The following LGALS3 variants were observed in gnomAD, a reference collection of about 807,000 sequenced individuals.
LGALS3 encodes galectin 3.
In LGALS3, 18 loss-of-function variants were observed where a neutral mutation model predicts 20.7. That is an observed-to-expected ratio of 0.87 (90% CI 0.60 to 1.29). The LOEUF (loss-of-function observed/expected upper bound fraction) is 1.29, where lower values mean the gene tolerates loss of function less well. Among genes scored for constraint, LGALS3 ranks in the 50% most tolerant of loss-of-function variants. The pLI is 0.00. For missense variants in LGALS3, 315 were observed against 314.7 expected (o/e 1.00, Z -0.01); for synonymous variants, 112 against 119.6 (o/e 0.94, Z 0.42).
chr14:55,134,152 C>T (rs994874064), intron 1 of LGALS3, among the ~76,000 whole-genome samples: 1 of 152,160 alleles, frequency 6.6e-6, no homozygotes, highest in African/African-American at 2.4e-5. Flanking sequence ...GCAATATTCC[C>T]GCCTCAGCCT....
intron 5 of LGALS3, chr14:55,143,309 A>G (rs1207169714): frequency 8.5e-6 from 2 of 234,212 alleles, no homozygotes; most frequent in Non-Finnish European, 1.8e-5. Context: ...AGGGTTGACT[A>G]TAGAGTGGTG....
chr14:55,137,303 T>G, intron 1 of LGALS3, 67 bp from the exon 2 acceptor site: 4 of 1,412,154 alleles, frequency 2.8e-6, no homozygotes, highest in Non-Finnish European at 4.0e-6. Flanking sequence ...GAACTAGTGG[T>G]GAGGTTCAGT....
intron 4 of LGALS3, among the ~76,000 whole-genome samples, chr14:55,142,201 G>A (rs1375127176): frequency 6.6e-6 from 1 of 152,190 alleles, no homozygotes; most frequent in Admixed American, 6.5e-5. Context: ...CAAACTGGAA[G>A]AGCAGGAAAG....
chr14:55,141,157 C>A (rs1594653960), intron 4 of LGALS3, among the ~76,000 whole-genome samples: 1 of 152,326 alleles, frequency 6.6e-6, no homozygotes, highest in African/African-American at 2.4e-5. Context: ...GACTTCACTT[C>A]TGATCTGATA....
intron 4 of LGALS3, among the ~76,000 whole-genome samples, chr14:55,141,298 G>A (rs74050921): frequency 0.094 from 14,251 of 152,080 alleles, 1,836 homozygotes; most frequent in African/African-American, 0.29. Context: ...GAACTTCCCC[G>A]TACAATAATG....
At chr14:55,136,313 A>G (rs951457697) in intron 1 of LGALS3, among the ~76,000 whole-genome samples, 36 of 144,142 alleles carry the variant, frequency 2.5e-4, no homozygotes, top group Admixed American at 8.9e-4. Context: ...AGTACCTTTG[A>G]AAAAAAAAAA....
At chr14:55,143,955 A>G (rs1881725533) in intron 5 of LGALS3, among the ~76,000 whole-genome samples, 1 of 151,988 alleles carries the variant, frequency 6.6e-6, no homozygotes, top group Admixed American at 6.6e-5. Flanking sequence ...TTTGCTTTAA[A>G]TATACATGTT....
In LGALS3 at chr14:55,138,178, C is replaced by G; in HGVS notation, c.152C>G (p.Pro51Arg). The G allele has an allele frequency of 6.2e-7, 1 of 1,610,978 alleles. No individual in the cohort carries two copies. The highest frequency in any genetic ancestry group is 1.1e-5 in the South Asian group (1 of 90,730). Reference protein sequence around the residue: ...YPGAYPGQAPPGAYPGQAPPG... With the variant: ...YPGAYPGQAPRGAYPGQAPPG... ...GGGGCCTACCCCGGGCAGGCACCCCCAGGGGCTTATCCTGGACAGGCACCT... is the reference window on the plus strand; with the variant it reads ...GGGGCCTACCCCGGGCAGGCACCCCGAGGGGCTTATCCTGGACAGGCACCT... The change falls in exon 3 of 6, where the codon CCA becomes CGA. Residue 51 changes from proline to arginine, a missense_variant. Coordinates refer to ENST00000254301, the MANE Select transcript of LGALS3 (RefSeq NM_002306.4).
chr14:55,142,566 G>A lies in LGALS3; in HGVS notation c.432-18G>A. 6 of 1,601,180 alleles carry A rather than the reference G, an allele frequency of 3.7e-6. No homozygotes were observed. In the East Asian group the frequency reaches 1.3e-4, roughly 36 times the overall value. On this transcript the variant is annotated intron_variant, in intron 4 of 5. Coordinates refer to ENST00000254301, the MANE Select transcript of LGALS3 (RefSeq NM_002306.4). ...ACAGCTTTAATCATTTTAATAACTGGTCTTTGGTTTAAAACAGAATTGCTT... is the reference window on the plus strand; with the variant it reads ...ACAGCTTTAATCATTTTAATAACTGATCTTTGGTTTAAAACAGAATTGCTT...
intron 1 of LGALS3, among the ~76,000 whole-genome samples, chr14:55,130,158 CCG>C (rs1881183919): frequency 6.6e-6 from 1 of 152,210 alleles, no homozygotes; most frequent in Admixed American, 6.5e-5. Context: ...CAGAGCCCTA[CCG>C]GGGGGCTTTC....
Position 55,133,868 on chromosome 14 carries a change from CATCTT to C in LGALS3, c.-4-3500_-4-3496del, listed in dbSNP as rs141652522. On this transcript the variant is annotated intron_variant, in intron 1 of 5. Transcript: ENST00000254301. ...TCTGGTTGGAATCAGCCTTTAAACACATCTTAATTTGAATAGAGTTATGTTAGGAC... is the reference window on the plus strand; with the variant it reads ...TCTGGTTGGAATCAGCCTTTAAACACAATTTGAATAGAGTTATGTTAGGAC... Among the ~76,000 whole-genome samples the C allele has an allele frequency of 6.3e-3, 963 of 152,328 alleles. 12 individuals carry two copies. Among genetic ancestry groups the C allele is most frequent in the East Asian group, 0.05 (261 of 5,188 alleles).
intron 5 of LGALS3, among the ~76,000 whole-genome samples, 181 bp downstream of exon 5, chr14:55,142,930 A>G (rs2140296854): frequency 6.6e-6 from 1 of 151,814 alleles, no homozygotes; most frequent in East Asian, 1.9e-4. Context: ...GGAGTGGCAC[A>G]CTCCCCAGTT....
intron 5 of LGALS3, chr14:55,143,479 T>C: frequency 5.8e-6 from 2 of 343,364 alleles, no homozygotes; most frequent in South Asian, 4.2e-5. Flanking sequence ...TGGAGTACAG[T>C]GGCACGATCT....
At chr14:55,140,234 C>CA in intron 3 of LGALS3, 41 bp from the exon 4 acceptor site, 3 of 1,313,458 alleles carry the variant, frequency 2.3e-6, no homozygotes, top group Non-Finnish European at 3.3e-6. Flanking sequence ...CCCAAAGAAA[C>CA]ATGACTCCTT....
intron 1 of LGALS3, among the ~76,000 whole-genome samples, chr14:55,130,696 A>G (rs929512155): frequency 7.6e-6 from 1 of 130,956 alleles, no homozygotes; most frequent in Non-Finnish European, 1.6e-5. Flanking sequence ...AGTAGCTGGG[A>G]TTACAGGCAT....
chr14:55,137,872 C>T, intron 2 of LGALS3, 173 bp from the exon 3 acceptor site: 1 of 1,313,756 alleles, frequency 7.6e-7, no homozygotes, highest in South Asian at 2.7e-5. Flanking sequence ...ATCCCAACAT[C>T]TAATTTTAGT....
intron 3 of LGALS3, among the ~76,000 whole-genome samples, chr14:55,139,350 T>G (rs1356527069): frequency 1.3e-5 from 2 of 152,116 alleles, no homozygotes; most frequent in African/African-American, 4.8e-5. Flanking sequence ...GAAGGGGAAC[T>G]GATGGGGGAG....
chr14:55,141,244 C>A (rs1881611982), intron 4 of LGALS3, among the ~76,000 whole-genome samples: 1 of 152,212 alleles, frequency 6.6e-6, no homozygotes, highest in Admixed American at 6.5e-5. Flanking sequence ...CTATCCTAAG[C>A]CAACCCATCT....
chr14:55,137,927 T>C, intron 2 of LGALS3, 118 bp from the exon 3 acceptor site: 4 of 1,361,090 alleles, frequency 2.9e-6, no homozygotes, highest in Non-Finnish European at 2.9e-6. Flanking sequence ...TTTAATGATA[T>C]GCATGTAATG....
Sources: gnomAD v4.1 joint callset for allele counts (sites outside exome capture counted in the v4.1 genomes callset) on GRCh38, gnomAD v4.1.1 for gene constraint, MANE v1.5 for transcripts, NCBI Gene and HGNC (gene_info 2026-07-23, HGNC 2026-07-21) for gene names.